Variants in RSPH3 observed in about 807,000 individuals in gnomAD.
RSPH3 encodes radial spoke head 3.
RSPH3 carries 21 observed loss-of-function variants against 43.8 expected under a neutral mutation model. The ratio of observed to expected loss-of-function variants is 0.48; its 90% CI spans 0.34 to 0.69. The LOEUF (loss-of-function observed/expected upper bound fraction) is 0.69. RSPH3 is among the 30% of genes least tolerant of loss of function. The probability of loss-of-function intolerance (pLI) is 0.01; values close to 1 mark genes in which losing one functional copy is unlikely to be tolerated. For synonymous variants in RSPH3, 173 were observed against 179.8 expected (o/e 0.96, Z 0.30); for missense variants, 487 against 516.0 (o/e 0.94, Z 0.54).
At chr6:158,963,936 T>C in the RSPH3 span, among the ~76,000 whole-genome samples, 1 of 152,162 alleles carries the variant, frequency 6.6e-6, no homozygotes, top group Non-Finnish European at 1.5e-5. Context: ...ATGAAAACAA[T>C]TTTTAACAGC....
rs140923639 is a variant in RSPH3, at chr6:158,979,780, C to T, written c.859+994G>A. 3.4e-3 allele frequency among the ~76,000 whole-genome samples: 516 copies of T among 152,202 alleles called. 2 individuals are homozygous for T. The highest frequency in any genetic ancestry group is 0.011 in the African/African-American group (463 of 41,516). On this transcript the variant is annotated intron_variant, in intron 6 of 7. Transcript: ENST00000367069. Reference sequence around the variant, plus strand: ...CAAAATAGGACCTATACACCAAGCACGGTGGATGTAAGTGCTTTTCACTCT... The same window carrying T: ...CAAAATAGGACCTATACACCAAGCATGGTGGATGTAAGTGCTTTTCACTCT...
intron 3 of RSPH3, among the ~76,000 whole-genome samples, chr6:158,985,798 T>TTCTC (rs201972962): frequency 6.8e-6 from 1 of 147,846 alleles, no homozygotes; most frequent in Non-Finnish European, 1.5e-5. Context: ...GTCTATGTAT[T>TTCTC]TCTCTCTCTC....
chr6:158,984,435 T>TTTATATATATATATAC (rs1562562108), intron 3 of RSPH3, among the ~76,000 whole-genome samples: 5 of 25,714 alleles, frequency 1.9e-4, no homozygotes, highest in African/African-American at 2.6e-4. Flanking sequence ...AAAAGTCAAT[T>TTTATATATATATATAC]ATATATATAT....
intron 1 of RSPH3, among the ~76,000 whole-genome samples, chr6:158,997,259 C>T (rs968540575): frequency 2.1e-5 from 3 of 142,668 alleles, no homozygotes; most frequent in Non-Finnish European, 4.5e-5. Context: ...AAGACAAGTA[C>T]TCTCCTGAAC....
rs907103808 is a variant in RSPH3, at chr6:158,973,335, A to G, written c.*4203T>C. 1 of 152,220 alleles carries G rather than the reference A, an allele frequency of 6.6e-6. No individual in the cohort carries two copies. The highest frequency in any genetic ancestry group is 1.5e-5 in the Non-Finnish European group (1 of 68,038). The allele number at this position is 152,220 out of a possible 1,614,324, so 9.4% of individuals were successfully genotyped here. ...TAGTTGTTATGTTTCAACAACATAA[A>G]ATGAAATGTTTCTAGGATAGAAGAA... On this transcript the variant is annotated 3_prime_UTR_variant, in exon 8 of 8. Transcript: ENST00000367069.
intron 6 of RSPH3, among the ~76,000 whole-genome samples, chr6:158,980,006 C>T (rs1777979086): frequency 6.6e-6 from 1 of 152,206 alleles, no homozygotes; most frequent in South Asian, 2.1e-4. Flanking sequence ...GAATAAATGA[C>T]CTTGATAGCT....
At chr6:158,963,192 T>A in the RSPH3 span, among the ~76,000 whole-genome samples, 2,365 of 152,198 alleles carry the variant, frequency 0.016, 23 homozygotes, top group Non-Finnish European at 0.021. Context: ...ATTACAAACA[T>A]ATACATAAAA....
At chr6:158,997,271 CTTTTTTTT>C (rs35951023) in intron 1 of RSPH3, among the ~76,000 whole-genome samples, 207 of 129,076 alleles carry the variant, frequency 1.6e-3, no homozygotes, top group African/African-American at 5.8e-3. Flanking sequence ...CTCCTGAACA[CTTTTTTTT>C]TTTTTTTTTT....
At chr6:158,991,978 G>T (rs561988842) in intron 2 of RSPH3, among the ~76,000 whole-genome samples, 1 of 150,438 alleles carries the variant, frequency 6.6e-6, no homozygotes, top group Non-Finnish European at 1.5e-5. Flanking sequence ...AATTATATGA[G>T]ATATTCAGTA....
At position 158,980,892 on chromosome 6, in the gene RSPH3, G is replaced by C; in HGVS notation, c.741C>G (p.Asn247Lys). 6.2e-7 allele frequency: 1 copy of C among 1,614,102 alleles called. No individual in the cohort carries two copies. The highest frequency in any genetic ancestry group is 8.5e-7 in the Non-Finnish European group (1 of 1,180,000). The change falls in exon 6 of 8, where the codon AAC becomes AAG. Residue 247 changes from asparagine to lysine, a missense_variant. Coordinates refer to ENST00000367069, the MANE Select transcript of RSPH3 (RefSeq NM_031924.8). The stretch of plus-strand genomic sequence containing the variant: ...GGGCGGCGATTTTTTGTGATGTCTC[G>C]TTGTGCTTGTGCATTATTTCCCACT... ...KQQWEIMHKH[N>K]ETSQKIAARA...
Position 158,978,357 on chromosome 6 carries a change from A to G in RSPH3, c.860-11T>C. On this transcript the variant is annotated splice_polypyrimidine_tract_variant and intron_variant, in intron 6 of 7. Coordinates refer to ENST00000367069, the MANE Select transcript of RSPH3 (RefSeq NM_031924.8). ...ATCCTATCTCAATATCTGTAATAAA[A>G]GAATTCATTGATTTTCATGTATTAT... 7.7e-7 allele frequency: 1 copy of G among 1,292,306 alleles called. No individual in the cohort carries two copies. The highest frequency in any genetic ancestry group is 1.2e-5 in the South Asian group (1 of 82,816). The allele number at this position is 1,292,306 out of a possible 1,614,324, so 80.1% of individuals were successfully genotyped here.
intron 1 of RSPH3, among the ~76,000 whole-genome samples, 159 bp from the exon 2 acceptor site, chr6:158,994,085 T>C (rs1249289484): frequency 6.6e-6 from 1 of 152,200 alleles, no homozygotes; most frequent in African/African-American, 2.4e-5. Flanking sequence ...TGGATACAAT[T>C]TATGTAATGC....
chr6:158,997,880 T>A (rs1320906981), intron 1 of RSPH3, among the ~76,000 whole-genome samples: 1 of 152,088 alleles, frequency 6.6e-6, no homozygotes, highest in Non-Finnish European at 1.5e-5. Flanking sequence ...GATAGACATC[T>A]CTTATAGAAA....
At chr6:158,998,795 G>A (rs929239772) in intron 1 of RSPH3, among the ~76,000 whole-genome samples, 7 of 152,062 alleles carry the variant, frequency 4.6e-5, no homozygotes, top group Admixed American at 3.9e-4. Flanking sequence ...GAGTGGGGGA[G>A]GGGGGCGGAG....
At chr6:158,991,082 T>G (rs1481848018) in intron 2 of RSPH3, among the ~76,000 whole-genome samples, 1 of 152,236 alleles carries the variant, frequency 6.6e-6, no homozygotes, top group Non-Finnish European at 1.5e-5. Flanking sequence ...GTATCTTGTA[T>G]TTCTTTGCTA....
rs1452691820 is a variant in RSPH3 at position 159,000,135 on chromosome 6, G to A, written c.-585C>T. 8 of 740,032 alleles carry A rather than the reference G, an allele frequency of 1.1e-5. No homozygotes were observed. The highest frequency in any genetic ancestry group is 1.7e-5 in the Non-Finnish European group (8 of 482,968). 45.8% of individuals were successfully genotyped at this position (740,032 alleles called of 1,614,324 possible). ...TGCCGCGGCGCAGCAGCGCTCCCAG[G>A]CTGCCCCCGCGATAACACGCCCCTG... On this transcript the variant is annotated 5_prime_UTR_variant, in exon 1 of 8. Transcript: ENST00000367069.
At position 158,982,553 on chromosome 6, in the gene RSPH3, G is replaced by C; in HGVS notation, c.628C>G (p.Leu210Val). 1 of 1,613,358 alleles carries C rather than the reference G, an allele frequency of 6.2e-7. No homozygotes were observed. Among genetic ancestry groups the C allele is most frequent in the Non-Finnish European group, 8.5e-7 (1 of 1,179,836 alleles). Residue 210 changes from leucine (L) to valine (V), a missense_variant, in exon 5 of 8, where the codon CTA (leucine) becomes GTA (valine). Transcript: ENST00000367069. ...ACTTCAGCACGTTCACTATTCCGTA[G>C]TTCTTCATACTCACGCTGACTGGCC... ...LRASQREYEELRNSERAEVQR... is the reference protein window; with the variant it reads ...LRASQREYEEVRNSERAEVQR...
chr6:158,965,079 C>G, the RSPH3 span, among the ~76,000 whole-genome samples: 1 of 152,014 alleles, frequency 6.6e-6, no homozygotes, highest in East Asian at 1.9e-4. Flanking sequence ...ATTGAATGAT[C>G]TTGAACATAT....
intron 2 of RSPH3, among the ~76,000 whole-genome samples, chr6:158,986,864 T>A (rs1000718535): frequency 6.6e-6 from 1 of 152,188 alleles, no homozygotes; most frequent in Admixed American, 6.5e-5. Context: ...TGTTCAGACA[T>A]GTTTTGTGGC....
Sources: allele counts gnomAD v4.1 joint callset (sites outside exome capture counted in the v4.1 genomes callset), GRCh38; gene constraint gnomAD v4.1.1; transcripts MANE v1.5; gene names NCBI Gene and HGNC (gene_info 2026-07-23, HGNC 2026-07-21).